ADAM2: variants seen among roughly 807,000 people sequenced by gnomAD.
ADAM2 encodes ADAM metallopeptidase domain 2.
ADAM2 carries 101 observed loss-of-function variants against 99.3 expected under a neutral mutation model. The ratio of observed to expected loss-of-function variants is 1.02; its 90% CI spans 0.87 to 1.20. The LOEUF (loss-of-function observed/expected upper bound fraction) is 1.20. ADAM2 is among the 50% of genes most tolerant of loss of function. The probability of loss-of-function intolerance (pLI) is 0.00; values close to 1 mark genes in which losing one functional copy is unlikely to be tolerated. For synonymous variants in ADAM2, 323 were observed against 287.6 expected, an observed-to-expected ratio of 1.12 and a Z score of -1.25; for missense variants, 948 against 878.7, an observed-to-expected ratio of 1.08 and a Z score of -1.00.
At chr8:39,813,584 G>T (rs976845882) in intron 6 of ADAM2, among the ~76,000 whole-genome samples, 1 of 152,320 alleles carries the variant, frequency 6.6e-6, no homozygotes, top group Non-Finnish European at 1.5e-5. Flanking sequence ...GGAATACTAT[G>T]TAGCCATAAA....
At chr8:39,762,624 A>G (rs1010868693) in intron 14 of ADAM2, among the ~76,000 whole-genome samples, 12 of 152,226 alleles carry the variant, frequency 7.9e-5, no homozygotes, top group African/African-American at 2.9e-4. Context: ...ATTATCCTAG[A>G]TAATGTGGAT....
intron 3 of ADAM2, among the ~76,000 whole-genome samples, chr8:39,831,603 T>A (rs201230405): frequency 6.6e-6 from 1 of 151,870 alleles, no homozygotes; most frequent in East Asian, 1.9e-4. Flanking sequence ...AAAACAGAGA[T>A]AAAAAGCCAT....
chr8:39,800,462 T>G (rs1167405637), intron 7 of ADAM2, among the ~76,000 whole-genome samples: 1 of 152,182 alleles, frequency 6.6e-6, no homozygotes, highest in Admixed American at 6.5e-5. Context: ...TTAACAGTTT[T>G]TCCTTCATTT....
At chr8:39,757,062 T>C (rs899290967) in intron 15 of ADAM2, among the ~76,000 whole-genome samples, 1 of 152,156 alleles carries the variant, frequency 6.6e-6, no homozygotes, top group African/African-American at 2.4e-5. Flanking sequence ...AATCATACAA[T>C]TATTAATATC....
intron 1 of ADAM2, 84 bp from the exon 2 acceptor site, chr8:39,837,296 T>A (rs1369307392): frequency 7.8e-6 from 7 of 899,776 alleles, no homozygotes; most frequent in Non-Finnish European, 1.2e-5. Flanking sequence ...AAATCTCTAA[T>A]CTCTATTCTA....
At position 39,755,659 on chromosome 8, in the gene ADAM2, G is replaced by A. The variant is rs550275111; in HGVS notation, c.1797+69C>T. 1.1e-4 allele frequency: 127 copies of A among 1,177,690 alleles called. No homozygotes were observed. In the Middle Eastern group the frequency reaches 1.4e-3, roughly 13 times the overall value. The allele number at this position is 1,177,690 out of a possible 1,614,324, so 73.0% of individuals were successfully genotyped here. ...ACTGCACTCTAGCCAGGGCAAGAGT[G>A]ACACTCATCTCAAAAAAGGGCAAAG... On this transcript the variant is annotated intron_variant, in intron 16 of 20. Coordinates refer to ENST00000265708, the MANE Select transcript of ADAM2 (RefSeq NM_001464.5).
chr8:39,823,343 C>G (rs932335884), intron 4 of ADAM2, among the ~76,000 whole-genome samples: 1 of 151,992 alleles, frequency 6.6e-6, no homozygotes, highest in Non-Finnish European at 1.5e-5. Context: ...AATAAATAAT[C>G]CAATAAATAC....
intron 6 of ADAM2, among the ~76,000 whole-genome samples, chr8:39,809,769 G>C (rs1057084163): frequency 6.6e-6 from 1 of 152,038 alleles, no homozygotes; most frequent in Non-Finnish European, 1.5e-5. Flanking sequence ...CCTTACAAGA[G>C]CTCCTGAAGG....
chr8:39,818,201 C>T (rs1382023527), intron 6 of ADAM2: 3 of 151,854 alleles, frequency 2.0e-5, no homozygotes, highest in African/African-American at 7.2e-5. Flanking sequence ...CAAACTGAAC[C>T]CAGCAATACA....
chr8:39,770,200 G>A (rs1802726832), intron 11 of ADAM2, among the ~76,000 whole-genome samples: 1 of 152,002 alleles, frequency 6.6e-6, no homozygotes, highest in Non-Finnish European at 1.5e-5. Flanking sequence ...GCCCACCTAG[G>A]CCTCCCAAAG....
In ADAM2 at chr8:39,819,781, A is replaced by C. The variant is rs577054310; in HGVS notation, c.513+1221T>G. Among the ~76,000 whole-genome samples the C allele has an allele frequency of 1.1e-4, 17 of 152,198 alleles. No individual in the cohort carries two copies. In the South Asian group the frequency reaches 3.5e-3, roughly 32 times the overall value. ...CTTCACAATCATCTGAGTCAATTCT[A>C]TAAAATCTCTCTCTCCCTCTCTCTG... On this transcript the variant is annotated intron_variant, in intron 6 of 20. Coordinates refer to ENST00000265708, the MANE Select transcript of ADAM2 (RefSeq NM_001464.5).
chr8:39,763,790 C>T (rs1246444849), intron 14 of ADAM2, among the ~76,000 whole-genome samples: 1 of 152,154 alleles, frequency 6.6e-6, no homozygotes, highest in African/African-American at 2.4e-5. Context: ...GAATCTGAAC[C>T]GGTTCACTGA....
intron 15 of ADAM2, among the ~76,000 whole-genome samples, chr8:39,760,162 C>G (rs7017903): frequency 0.52 from 78,478 of 151,908 alleles, 20,721 homozygotes; most frequent in South Asian, 0.69. Context: ...CTACCCCGCC[C>G]GGTCTTCTAG....
rs143951717 is a variant in ADAM2 at position 39,838,152 on chromosome 8, C to G, written c.34G>C (p.Gly12Arg). 1.2e-6 allele frequency: 2 copies of G among 1,614,128 alleles called. No homozygotes were observed. The highest frequency in any genetic ancestry group is 1.7e-6 in the Non-Finnish European group (2 of 1,180,026). ...WRVLFLLSGL[G>R]GLRMDSNFDS... ...TTACTACTGTCCATCCGCAGCCCGC[C>G]GAGCCCGCTGAGCAGAAACAAGACG... is the stretch of plus-strand genomic sequence containing the variant. The change falls in exon 1 of 21, where the codon GGC becomes CGC. Residue 12 changes from glycine to arginine, a missense_variant. By Grantham distance (125) the Gly-to-Arg change is moderately radical (BLOSUM62 -2). Transcript: ENST00000265708.
chr8:39,789,050 G>A (rs1803593155), intron 7 of ADAM2, among the ~76,000 whole-genome samples: 2 of 151,454 alleles, frequency 1.3e-5, no homozygotes, highest in South Asian at 2.1e-4. Context: ...CTCTAAACCG[G>A]AATGTTTAGA....
chr8:39,795,731 G>A (rs548758905), intron 7 of ADAM2, among the ~76,000 whole-genome samples: 1 of 152,140 alleles, frequency 6.6e-6, no homozygotes, highest in East Asian at 1.9e-4. Flanking sequence ...CTTAACCTTG[G>A]CAAAACAAAC....
In ADAM2 at chr8:39,837,213, C is replaced by G. The variant is rs1563391033; in HGVS notation, c.56-1G>C. On this transcript the variant is annotated splice_acceptor_variant, in intron 1 of 20. Transcript: ENST00000265708. LOFTEE classifies it high-confidence loss of function. The stretch of plus-strand genomic sequence containing the variant: ...ATTTGCACAGGTAAACTATCAAAAT[C>G]TGCAAAATGTGCAAAATGTTTTATT... The G allele has an allele frequency of 1.9e-6, 3 of 1,602,240 alleles. No homozygotes were observed. Among genetic ancestry groups the G allele is most frequent in the East Asian group, 2.2e-5 (1 of 44,682 alleles).
At position 39,837,178 on chromosome 8, in the gene ADAM2, C is replaced by T. The variant is rs369551334; in HGVS notation, c.90G>A (p.Pro30=). The change falls in exon 2 of 21, where the codon CCG becomes CCA. Residue 30 remains proline (P), a synonymous_variant. Coordinates refer to ENST00000265708, the MANE Select transcript of ADAM2 (RefSeq NM_001464.5). ...CCTTTATTATTGACCGTATTTTCTC[C>T]GGAACTGTAATTTGCACAGGTAAAC... is the stretch of plus-strand genomic sequence containing the variant. ...FDSLPVQITV[P]EKIRSIIKEG... 1.7e-5 allele frequency: 28 copies of T among 1,610,026 alleles called. No individual in the cohort carries two copies. The highest frequency in any genetic ancestry group is 3.3e-4 in the Middle Eastern group (2 of 6,070).
At chr8:39,747,899 G>T (rs1250952034) in intron 18 of ADAM2, among the ~76,000 whole-genome samples, 1 of 152,110 alleles carries the variant, frequency 6.6e-6, no homozygotes, top group Non-Finnish European at 1.5e-5. Flanking sequence ...ATAGTTTCCT[G>T]CCTTTCTGTC....
Sources: gnomAD v4.1 joint callset for allele counts (sites outside exome capture counted in the v4.1 genomes callset) on GRCh38, gnomAD v4.1.1 for gene constraint, MANE v1.5 for transcripts, NCBI Gene and HGNC (gene_info 2026-07-23, HGNC 2026-07-21) for gene names.